Variants in ARID5A observed in about 807,000 individuals in gnomAD.
ARID5A encodes AT-rich interaction domain 5A.
ARID5A carries 14 observed loss-of-function variants against 30.5 expected under a neutral mutation model. The observed-to-expected ratio is 0.46, with a 90% CI of 0.30 to 0.72. The LOEUF is 0.72. ARID5A is among the 30% of genes least tolerant of loss of function. ARID5A has a pLI of 0.07. For missense variants in ARID5A, 669 were observed against 786.2 expected, an observed-to-expected ratio of 0.85 and a Z score of 1.78; for synonymous variants, 338 against 340.4, an observed-to-expected ratio of 0.99 and a Z score of 0.08.
At position 96,547,449 on chromosome 2, in the gene ARID5A, C is replaced by T; in HGVS notation, c.52C>T (p.Leu18=). 6.2e-7 allele frequency: 1 copy of T among 1,614,068 alleles called. No individual in the cohort carries two copies. Among genetic ancestry groups the T allele is most frequent in the Non-Finnish European group, 8.5e-7 (1 of 1,180,004 alleles). ...GAAGCAGTCCACGGAGGGTGACGCCCTAGACCCACCTGCATCCCCCAAACC... is the reference window on the plus strand; with the variant it reads ...GAAGCAGTCCACGGAGGGTGACGCCTTAGACCCACCTGCATCCCCCAAACC... The part of the protein sequence containing the change: ...NRKQSTEGDA[L]DPPASPKPAG... Residue 18 remains leucine, a synonymous_variant, in exon 2 of 7, where the codon CTA becomes TTA. Coordinates refer to ENST00000357485, the MANE Select transcript of ARID5A (RefSeq NM_212481.3).
chr2:96,544,500 C>G (rs2065894209), intron 1 of ARID5A, among the ~76,000 whole-genome samples: 1 of 152,226 alleles, frequency 6.6e-6, no homozygotes, highest in African/African-American at 2.4e-5. Context: ...TCTACTCACT[C>G]TGTGTTCTAA....
chr2:96,546,110 C>T lies in ARID5A; in HGVS notation c.5-1292C>T, dbSNP rs953092344. Among the ~76,000 whole-genome samples the T allele has an allele frequency of 2.6e-5, 4 of 152,196 alleles. No homozygotes were observed. In the East Asian group the frequency reaches 5.8e-4, roughly 22 times the overall value. On this transcript the variant is annotated intron_variant, in intron 1 of 6. Coordinates refer to ENST00000357485, the MANE Select transcript of ARID5A (RefSeq NM_212481.3). ...CATAAGAACACCTACCAAAGCAGGACCACTCAGTGGCCAAGGATTCTACCC... is the reference window on the plus strand; with the variant it reads ...CATAAGAACACCTACCAAAGCAGGATCACTCAGTGGCCAAGGATTCTACCC...
chr2:96,541,030 C>T (rs1190039277), intron 1 of ARID5A, among the ~76,000 whole-genome samples: 1 of 147,426 alleles, frequency 6.8e-6, no homozygotes, highest in Non-Finnish European at 1.5e-5. Context: ...CAGGCGTGAG[C>T]CACCGCACCT....
Position 96,549,192 on chromosome 2 carries a change from C to A in ARID5A, c.121-129C>A. The A allele has an allele frequency of 6.7e-7, 1 of 1,491,638 alleles. No individual in the cohort carries two copies. The highest frequency in any genetic ancestry group is 9.0e-7 in the Non-Finnish European group (1 of 1,112,722). The allele number at this position is 1,491,638 out of a possible 1,614,324, so 92.4% of individuals were successfully genotyped here. ...CAGTCACTCCCTCCCAGAACAGTGG[C>A]TAGGTGTTCTCTGGGAAACTGGGGT... On this transcript the variant is annotated intron_variant, in intron 2 of 6. Transcript: ENST00000357485. The surrounding 1 kb of genome is among the most constrained non-coding windows in gnomAD (Gnocchi z 6.1).
chr2:96,551,807 G>C lies in ARID5A; in HGVS notation c.1279G>C (p.Glu427Gln). 1 of 1,587,380 alleles carries C rather than the reference G, an allele frequency of 6.3e-7. No individual in the cohort carries two copies. The highest frequency in any genetic ancestry group is 1.1e-5 in the South Asian group (1 of 87,640). The change falls in exon 7 of 7, where the codon GAG (glutamate) becomes CAG (glutamine). Residue 427 changes from glutamate (E) to glutamine (Q), a missense_variant. By Grantham distance (29) the Glu-to-Gln change is conservative (BLOSUM62 2). Around this residue, in one of 4 missense-constraint regions of ARID5A, gnomAD observed 548 missense variants for 577.4 expected, o/e 0.95. Transcript: ENST00000357485. ...GTCCCCCATGGCCAAGGTCCCAGCC[G>C]AGAGCCCCACGCTCCCGCCCACCTT... Reference protein sequence around the residue: ...WVSPMAKVPAESPTLPPTFPS... With the variant: ...WVSPMAKVPAQSPTLPPTFPS...
chr2:96,549,277 C>A lies in ARID5A; in HGVS notation c.121-44C>A, dbSNP rs1182310503. The stretch of plus-strand genomic sequence containing the variant: ...GTTTCTGCACATCCCCAGCAGCCAG[C>A]CACCAACTGGGGCCCATCCCAATGC... On this transcript the variant is annotated intron_variant, in intron 2 of 6. Coordinates refer to ENST00000357485, the MANE Select transcript of ARID5A (RefSeq NM_212481.3). This position sits in a 1 kb window ranked among gnomAD's most constrained non-coding sequence, Gnocchi z 6.1. 6.3e-7 allele frequency: 1 copy of A among 1,592,928 alleles called. No homozygotes were observed. The highest frequency in any genetic ancestry group is 1.4e-5 in the African/African-American group (1 of 74,046).
At position 96,539,008 on chromosome 2, in the gene ARID5A, C is replaced by T. The variant is rs1035145071; in HGVS notation, c.4+2178C>T. On this transcript the variant is annotated intron_variant, in intron 1 of 6. Coordinates refer to ENST00000357485, the MANE Select transcript of ARID5A (RefSeq NM_212481.3). This position sits in a 1 kb window ranked among gnomAD's most constrained non-coding sequence, Gnocchi z 4.7. ...GCAACAGGGGTCTGTAAGTCCATTGCGCTCATCCTGCACCCAGGAGGCTGA... is the reference window on the plus strand; with the variant it reads ...GCAACAGGGGTCTGTAAGTCCATTGTGCTCATCCTGCACCCAGGAGGCTGA... Among the ~76,000 whole-genome samples the T allele has an allele frequency of 6.6e-6, 1 of 152,174 alleles. No homozygotes were observed. Among genetic ancestry groups the T allele is most frequent in the African/African-American group, 2.4e-5 (1 of 41,434 alleles).
chr2:96,549,336 GGCGGGGA>G lies in ARID5A; in HGVS notation c.142_148del (p.Glu48ArgfsTer20). 6.2e-7 allele frequency: 1 copy of G among 1,613,524 alleles called. No homozygotes were observed. Among genetic ancestry groups the G allele is most frequent in the Non-Finnish European group, 8.5e-7 (1 of 1,179,958 alleles). ...CTCTCCCCAGGACTCCCCCGAGGCA[GGCGGGGA>G]GCGGGAGGAGGAGCAGGAGCGGGAG... On this transcript the variant is annotated frameshift_variant, in exon 3 of 7. Transcript: ENST00000357485. LOFTEE classifies it high-confidence loss of function. This position sits in a 1 kb window ranked among gnomAD's most constrained non-coding sequence, Gnocchi z 6.1.
At chr2:96,540,616 CAGAGGG>C (rs2104664487) in intron 1 of ARID5A, among the ~76,000 whole-genome samples, 1 of 152,320 alleles carries the variant, frequency 6.6e-6, no homozygotes, top group African/African-American at 2.4e-5. Flanking sequence ...CTGAGGACTG[CAGAGGG>C]AAACCTGAAT....
chr2:96,542,431 C>A (rs909747028), intron 1 of ARID5A, among the ~76,000 whole-genome samples: 5 of 152,170 alleles, frequency 3.3e-5, no homozygotes, highest in African/African-American at 1.2e-4. Flanking sequence ...GGATTGGTGA[C>A]CTCCTTTCCA....
At chr2:96,546,690 G>A (rs1207906396) in intron 1 of ARID5A, among the ~76,000 whole-genome samples, 1 of 152,248 alleles carries the variant, frequency 6.6e-6, no homozygotes, top group Admixed American at 6.5e-5. Flanking sequence ...TGTCAGCAGA[G>A]ACCTGAGGGG....
intron 1 of ARID5A, among the ~76,000 whole-genome samples, chr2:96,538,558 G>A (rs2065785814): frequency 6.6e-6 from 1 of 152,200 alleles, no homozygotes; most frequent in South Asian, 2.1e-4. Flanking sequence ...CTCACTGCTG[G>A]CTCCAGCTCA....
At chr2:96,541,267 A>C (rs2065841166) in intron 1 of ARID5A, among the ~76,000 whole-genome samples, 2 of 149,234 alleles carry the variant, frequency 1.3e-5, no homozygotes, top group African/African-American at 5.0e-5. Flanking sequence ...CGATCTCTTG[A>C]CCTCATGATC....
rs1396495149 is a variant in ARID5A at position 96,537,754 on chromosome 2, C to T, written c.4+924C>T. The stretch of plus-strand genomic sequence containing the variant: ...CCGTCCCTCCGCGGTGTCTAGGGGT[C>T]GCCCGGGCTGGGGTCGCGTCACCCT... On this transcript the variant is annotated intron_variant, in intron 1 of 6. Transcript: ENST00000357485. This position sits in a 1 kb window ranked among gnomAD's most constrained non-coding sequence, Gnocchi z 4.8. 4 of 637,086 alleles carry T rather than the reference C, an allele frequency of 6.3e-6. No individual in the cohort carries two copies. Among genetic ancestry groups the T allele is most frequent in the African/African-American group, 4.0e-5 (2 of 50,430 alleles). 39.5% of individuals were successfully genotyped at this position (637,086 alleles called of 1,614,324 possible).
rs557735279 is a variant in ARID5A, at chr2:96,550,193, C to T, written c.318C>T (p.Thr106=). 8.2e-5 allele frequency: 126 copies of T among 1,534,412 alleles called. No individual in the cohort carries two copies. The highest frequency in any genetic ancestry group is 7.2e-4 in the African/African-American group (52 of 72,698). Residue 106 remains threonine (T), a synonymous_variant, in exon 5 of 7, where the codon ACC becomes ACT. Coordinates refer to ENST00000357485, the MANE Select transcript of ARID5A (RefSeq NM_212481.3). This position sits in a 1 kb window ranked among gnomAD's most constrained non-coding sequence, Gnocchi z 6.6. ...VEKLGAYELV[T]GRRLWKNVYD... is the part of the protein sequence containing the mutation. ...CTCACGAGGTGCCCTTGCAGGTGACCGGGCGCCGCCTCTGGAAGAACGTGT... is the reference window on the plus strand; with the variant it reads ...CTCACGAGGTGCCCTTGCAGGTGACTGGGCGCCGCCTCTGGAAGAACGTGT...
At position 96,552,385 on chromosome 2, in the gene ARID5A, G is replaced by T; in HGVS notation, c.*72G>T. On this transcript the variant is annotated 3_prime_UTR_variant, in exon 7 of 7. Transcript: ENST00000357485. Reference sequence around the variant, plus strand: ...AACAGGCAGGTACTGCTGCCAGGGGGCTCTGAACTAGTGCCTGCTACCCAG... The same window carrying T: ...AACAGGCAGGTACTGCTGCCAGGGGTCTCTGAACTAGTGCCTGCTACCCAG... The T allele has an allele frequency of 3.8e-6, 6 of 1,599,242 alleles. No individual in the cohort carries two copies. Among genetic ancestry groups the T allele is most frequent in the South Asian group, 1.1e-5 (1 of 89,446 alleles).
intron 1 of ARID5A, among the ~76,000 whole-genome samples, chr2:96,540,035 C>A (rs2065818645): frequency 1.3e-5 from 2 of 152,210 alleles, no homozygotes; most frequent in African/African-American, 4.8e-5. Flanking sequence ...TGGCCCCAGG[C>A]AAGTTACTGA....
intron 1 of ARID5A, among the ~76,000 whole-genome samples, chr2:96,540,096 G>C (rs1342368615): frequency 6.6e-6 from 1 of 152,236 alleles, no homozygotes; most frequent in East Asian, 1.9e-4. Flanking sequence ...TGGCTGGGAA[G>C]ATTCAGCAAT....
Position 96,551,822 on chromosome 2 carries a change from C to T in ARID5A, c.1294C>T (p.Pro432Ser), listed in dbSNP as rs1239573681. 1.3e-6 allele frequency: 2 copies of T among 1,596,460 alleles called. No homozygotes were observed. The highest frequency in any genetic ancestry group is 2.2e-5 in the South Asian group (2 of 89,062). ...GGTCCCAGCCGAGAGCCCCACGCTC[C>T]CGCCCACCTTCCCCAGTAGCCCAGG... The part of the protein sequence containing the change: ...AKVPAESPTL[P>S]PTFPSSPGLG... Residue 432 changes from proline (P) to serine (S), a missense_variant, in exon 7 of 7, where the codon CCG becomes TCG. Physicochemically the swap from Pro to Ser is moderately conservative, Grantham distance 74. Coordinates refer to ENST00000357485, the MANE Select transcript of ARID5A (RefSeq NM_212481.3).
Sources: allele counts gnomAD v4.1 joint callset (sites outside exome capture counted in the v4.1 genomes callset), GRCh38; gene constraint gnomAD v4.1.1; regional missense constraint gnomAD v4.1.1; non-coding constraint Gnocchi (gnomAD v3.1); transcripts MANE v1.5; gene names NCBI Gene and HGNC (gene_info 2026-07-23, HGNC 2026-07-21).